Variants in PPFIA2 observed in about 807,000 individuals in gnomAD.
PPFIA2 encodes the protein liprin-alpha-2.
A neutral mutation model predicts 175.5 loss-of-function variants in PPFIA2; 46 were observed. The observed-to-expected ratio is 0.26, with a 90% CI of 0.21 to 0.34. PPFIA2 has a LOEUF of 0.34. Ranked by LOEUF, PPFIA2 falls within the 10% of genes least tolerant of loss-of-function variation. The pLI is 1.00. For synonymous variants in PPFIA2, 568 were observed against 511.4 expected, an observed-to-expected ratio of 1.11 and a Z score of -1.49; for missense variants, 1,179 against 1,506.1, an observed-to-expected ratio of 0.78 and a Z score of 3.60.
rs1212734279 is a variant in PPFIA2, at chr12:81,361,144, C to T, written c.1637+1549G>A. On this transcript the variant is annotated intron_variant, in intron 15 of 32. Transcript: ENST00000549396. ...AGATAAATGTCACATTGTTAGGCTGCCCATAATGACTCAGTGCAGTGATAG... is the reference window on the plus strand; with the variant it reads ...AGATAAATGTCACATTGTTAGGCTGTCCATAATGACTCAGTGCAGTGATAG... Among the ~76,000 whole-genome samples the T allele has an allele frequency of 2.0e-5, 3 of 151,468 alleles. 1 individual carries two copies. In the Admixed American group the frequency reaches 2.0e-4, roughly 10 times the overall value.
chr12:81,563,948 G>A lies in PPFIA2; in HGVS notation c.304-106082C>T, dbSNP rs552216846. On this transcript the variant is annotated intron_variant, in intron 4 of 32. Coordinates refer to ENST00000549396, the MANE Select transcript of PPFIA2 (RefSeq NM_003625.5). Reference sequence around the variant, plus strand: ...TGCAGTATGGTATCATAGAAGATGAGTCACTTACAAAAAACCTTTAATACA... The same window carrying A: ...TGCAGTATGGTATCATAGAAGATGAATCACTTACAAAAAACCTTTAATACA... 3.3e-5 allele frequency among the ~76,000 whole-genome samples: 5 copies of A among 152,208 alleles called. No homozygotes were observed. In the East Asian group the frequency reaches 7.7e-4, roughly 24 times the overall value.
At chr12:81,675,412 C>T (rs1048752897) in intron 4 of PPFIA2, 2 of 151,922 alleles carry the variant, frequency 1.3e-5, no homozygotes, top group Non-Finnish European at 2.9e-5. Context: ...TGTTTAGAAA[C>T]ATGCTTTCTT....
chr12:81,385,919 T>C (rs567093501), intron 8 of PPFIA2, among the ~76,000 whole-genome samples: 1 of 152,186 alleles, frequency 6.6e-6, no homozygotes, highest in Non-Finnish European at 1.5e-5. Flanking sequence ...CATTCCACAT[T>C]GTATACATAT....
chr12:81,621,359 T>A lies in PPFIA2; in HGVS notation c.303+55432A>T, dbSNP rs182156956. ...GCAGAGATATAACAAGAATCCACAT[T>A]GTGTTGGTTCTTGCATGGCATTAAT... On this transcript the variant is annotated intron_variant, in intron 4 of 32. Coordinates refer to ENST00000549396, the MANE Select transcript of PPFIA2 (RefSeq NM_003625.5). 1.4e-3 allele frequency among the ~76,000 whole-genome samples: 216 copies of A among 152,296 alleles called. 1 individual carries two copies. The highest frequency in any genetic ancestry group is 2.1e-3 in the Non-Finnish European group (140 of 68,010).
intron 3 of PPFIA2, among the ~76,000 whole-genome samples, chr12:81,709,356 A>G (rs2077595144): frequency 6.6e-6 from 1 of 152,126 alleles, no homozygotes; most frequent in Non-Finnish European, 1.5e-5. Context: ...TCCATCATCA[A>G]ATTTTGATTT....
intron 24 of PPFIA2, among the ~76,000 whole-genome samples, chr12:81,289,705 G>A (rs552290609): frequency 2.0e-5 from 3 of 151,884 alleles, no homozygotes; most frequent in South Asian, 4.2e-4. Context: ...TTATCTAAAA[G>A]GATAATGTGG....
intron 5 of PPFIA2, 100 bp downstream of exon 5, chr12:81,457,665 A>T (rs2053824555): frequency 1.6e-6 from 1 of 642,222 alleles, no homozygotes; most frequent in Non-Finnish European, 2.6e-6. Context: ...AAGTAATTAT[A>T]AAGTTTTAAA....
chr12:81,485,212 C>T (rs2058682259), intron 4 of PPFIA2, among the ~76,000 whole-genome samples: 1 of 151,752 alleles, frequency 6.6e-6, no homozygotes, highest in Admixed American at 6.6e-5. Context: ...GAACCCAATG[C>T]ATTATCTAGT....
At chr12:81,472,738 C>A (rs2056925284) in intron 4 of PPFIA2, 2 of 112,720 alleles carry the variant, frequency 1.8e-5, no homozygotes, top group Admixed American at 1.8e-4. Context: ...ACATCTCCTT[C>A]CCCAGCAAAA....
chr12:81,591,318 G>A (rs2070365471), intron 4 of PPFIA2, among the ~76,000 whole-genome samples: 1 of 152,074 alleles, frequency 6.6e-6, no homozygotes, highest in African/African-American at 2.4e-5. Context: ...GTTTTAAAAG[G>A]GAAACAGAGC....
At chr12:81,598,001 C>T (rs1354390016) in intron 4 of PPFIA2, 9 of 1,534,984 alleles carry the variant, frequency 5.9e-6, no homozygotes, top group Non-Finnish European at 7.9e-6. Flanking sequence ...TTTAGGGGAG[C>T]CAGAAACGGT....
chr12:81,453,669 ATTG>A (rs2145649275), intron 5 of PPFIA2, among the ~76,000 whole-genome samples: 1 of 152,106 alleles, frequency 6.6e-6, no homozygotes, highest in African/African-American at 2.4e-5. Context: ...TTTTTGTATA[ATTG>A]TTTATAATAT....
intron 4 of PPFIA2, among the ~76,000 whole-genome samples, chr12:81,668,911 T>C (rs960233900): frequency 6.6e-6 from 1 of 152,028 alleles, no homozygotes; most frequent in African/African-American, 2.4e-5. Flanking sequence ...GTTCACACTA[T>C]TACAATCTGA....
chr12:81,626,198 A>T (rs1469436366), intron 4 of PPFIA2, among the ~76,000 whole-genome samples: 3 of 151,764 alleles, frequency 2.0e-5, no homozygotes, highest in African/African-American at 7.3e-5. Context: ...TACGTAGAGG[A>T]TTCATACTAG....
chr12:81,431,296 A>G (rs1259315512), intron 7 of PPFIA2: 1 of 152,190 alleles, frequency 6.6e-6, no homozygotes, highest in Admixed American at 6.5e-5. Context: ...GATGTAATCT[A>G]TTTATTACCC....
chr12:81,271,369 C>T (rs2039047012), intron 28 of PPFIA2, among the ~76,000 whole-genome samples: 1 of 152,204 alleles, frequency 6.6e-6, no homozygotes, highest in Non-Finnish European at 1.5e-5. Flanking sequence ...CTCCAAGGTT[C>T]AAGCGATTCT....
At chr12:81,561,319 CT>C (rs2070024436) in intron 4 of PPFIA2, among the ~76,000 whole-genome samples, 1 of 152,042 alleles carries the variant, frequency 6.6e-6, no homozygotes, top group African/African-American at 2.4e-5. Flanking sequence ...ATTAGCATAG[CT>C]AATAATTTAG....
At chr12:81,717,259 T>C (rs2153624462) in intron 3 of PPFIA2, among the ~76,000 whole-genome samples, 1 of 149,252 alleles carries the variant, frequency 6.7e-6, no homozygotes, top group East Asian at 2.0e-4. Flanking sequence ...TTTCATATAA[T>C]TTTGATGTGG....
chr12:81,432,013 C>T (rs905652794), intron 7 of PPFIA2, among the ~76,000 whole-genome samples: 1 of 152,156 alleles, frequency 6.6e-6, no homozygotes, highest in Non-Finnish European at 1.5e-5. Flanking sequence ...GAATTCCTCC[C>T]TTTGGTAATA....
Sources: allele counts gnomAD v4.1 joint callset (sites outside exome capture counted in the v4.1 genomes callset), GRCh38; gene constraint gnomAD v4.1.1; transcripts MANE v1.5; gene names NCBI Gene and HGNC (gene_info 2026-07-23, HGNC 2026-07-21).